Variants in SHANK2 observed in about 807,000 individuals in gnomAD.
SHANK2 encodes SH3 and multiple ankyrin repeat domains 2, also known as SH3 and multiple ankyrin repeat domains protein 2.
SHANK2 carries 43 observed loss-of-function variants against 133.7 expected under a neutral mutation model. That is an observed-to-expected ratio of 0.32 (90% CI 0.25 to 0.41). The LOEUF (loss-of-function observed/expected upper bound fraction) is 0.41, where lower values mean the gene tolerates loss of function less well. Among genes scored for constraint, SHANK2 ranks in the 10% least tolerant of loss-of-function variants. The pLI is 1.00. For missense variants in SHANK2, 1,994 were observed against 2,235.8 expected, an observed-to-expected ratio of 0.89 and a Z score of 2.18; for synonymous variants, 1,017 against 952.8, an observed-to-expected ratio of 1.07 and a Z score of -1.24.
intron 12 of SHANK2, among the ~76,000 whole-genome samples, chr11:70,812,865 A>C (rs1555053481): frequency 1.3e-5 from 2 of 152,058 alleles, no homozygotes; most frequent in African/African-American, 2.4e-5. Context: ...GTTTTGGTAT[A>C]AGGGCCAAAT....
At chr11:71,205,953 G>C (rs767844668) in intron 2 of SHANK2, among the ~76,000 whole-genome samples, 1 of 152,070 alleles carries the variant, frequency 6.6e-6, no homozygotes, top group Non-Finnish European at 1.5e-5. Flanking sequence ...GGGGACCTCT[G>C]GGGAGAAAAG....
chr11:71,098,070 GTGTGTATGCATGCCTGT>G (rs1297834084), intron 6 of SHANK2, among the ~76,000 whole-genome samples: 1 of 150,454 alleles, frequency 6.6e-6, no homozygotes, highest in Non-Finnish European at 1.5e-5. Context: ...GTACATGCCT[GTGTGTATGCATGCCTGT>G]TGTGTATGCA....
intron 17 of SHANK2, among the ~76,000 whole-genome samples, chr11:70,652,849 C>T (rs1220300199): frequency 6.6e-5 from 10 of 152,174 alleles, no homozygotes; most frequent in African/African-American, 2.2e-4. Context: ...CTGTGCTCAG[C>T]GCCTCTGACC....
intron 2 of SHANK2, among the ~76,000 whole-genome samples, chr11:71,185,287 C>T (rs554356766): frequency 7.2e-5 from 11 of 152,346 alleles, no homozygotes; most frequent in African/African-American, 2.4e-4. Context: ...TGCCAGCAGG[C>T]AGAGCGTTGA....
intron 14 of SHANK2, among the ~76,000 whole-genome samples, chr11:70,755,402 C>A (rs1180862377): frequency 6.6e-6 from 1 of 152,248 alleles, no homozygotes; most frequent in Non-Finnish European, 1.5e-5. Flanking sequence ...TGGGTGTCCA[C>A]CCTCCAGGGG....
intron 6 of SHANK2, among the ~76,000 whole-genome samples, chr11:71,100,177 T>C (rs1951695448): frequency 6.6e-6 from 1 of 151,914 alleles, no homozygotes; most frequent in African/African-American, 2.4e-5. Context: ...GAGTGTAAAA[T>C]GGCGCAGTCA....
intron 14 of SHANK2, among the ~76,000 whole-genome samples, chr11:70,710,361 C>T (rs985365751): frequency 1.3e-5 from 2 of 152,208 alleles, no homozygotes; most frequent in Non-Finnish European, 2.9e-5. Context: ...GAGACTGTGT[C>T]CCACTGCCCC....
At chr11:71,163,126 A>G (rs1953061351) in intron 2 of SHANK2, among the ~76,000 whole-genome samples, 1 of 145,236 alleles carries the variant, frequency 6.9e-6, no homozygotes, top group African/African-American at 2.5e-5. Flanking sequence ...AATAGAAACA[A>G]ATATGCAAAT....
At chr11:70,673,188 C>T (rs1048504211) in intron 15 of SHANK2, among the ~76,000 whole-genome samples, 2 of 152,092 alleles carry the variant, frequency 1.3e-5, no homozygotes, top group Non-Finnish European at 2.9e-5. Flanking sequence ...ACTGAAGGTC[C>T]AGGCAGCCTG....
At chr11:70,866,121 C>T (rs1407606234) in intron 11 of SHANK2, among the ~76,000 whole-genome samples, 2 of 152,156 alleles carry the variant, frequency 1.3e-5, no homozygotes, top group African/African-American at 2.4e-5. Flanking sequence ...AGGGTGGTCT[C>T]CACTTTCTGG....
intron 2 of SHANK2, among the ~76,000 whole-genome samples, chr11:71,173,651 G>A (rs936561047): frequency 4.6e-5 from 7 of 152,242 alleles, no homozygotes; most frequent in African/African-American, 1.7e-4. Flanking sequence ...GGCGTGAAGA[G>A]TGTCCTCTCA....
intron 15 of SHANK2, among the ~76,000 whole-genome samples, chr11:70,681,219 C>T (rs1339965410): frequency 2.0e-5 from 3 of 152,166 alleles, no homozygotes; most frequent in African/African-American, 4.8e-5. Context: ...TGCTGCTCAG[C>T]GTGGGGTCCC....
rs1565166125 is a variant in SHANK2, at chr11:70,599,891, A to AGAAAGAAAG, written c.2061+59936_2061+59937insCTTTCTTTC. On this transcript the variant is annotated intron_variant, in intron 17 of 25. Coordinates refer to ENST00000601538, the MANE Select transcript of SHANK2 (RefSeq NM_012309.5). ...AGAAAGAAAGAAAGAAAGAAAGAAA[A>AGAAAGAAAG]AGAAAGAAAGAAAGAGAAAGAAAGA... Among the ~76,000 whole-genome samples, 38 of 72,136 alleles carry AGAAAGAAAG rather than the reference A, an allele frequency of 5.3e-4. No homozygotes were observed. The East Asian group carries it at 0.018, about 33-fold the overall frequency. 47.3% of individuals were successfully genotyped at this position (72,136 alleles called of 152,430 possible). A position where few individuals can be genotyped will look rare whatever the true frequency, so the allele number is the denominator to read the frequency against.
chr11:70,934,529 T>C (rs1950545725), intron 10 of SHANK2, among the ~76,000 whole-genome samples: 1 of 152,166 alleles, frequency 6.6e-6, no homozygotes. Context: ...GATGAGATGA[T>C]GCTCCCCAGG....
chr11:70,921,738 A>T (rs1479128427), intron 10 of SHANK2, among the ~76,000 whole-genome samples: 2 of 152,166 alleles, frequency 1.3e-5, no homozygotes, highest in African/African-American at 4.8e-5. Context: ...CCCAGCCTTG[A>T]CTCAGCTCAG....
intron 13 of SHANK2, among the ~76,000 whole-genome samples, chr11:70,799,907 T>C (rs1040656777): frequency 2.0e-5 from 3 of 152,226 alleles, no homozygotes; most frequent in East Asian, 1.9e-4. Flanking sequence ...AAAGACACCA[T>C]GGGGTGGGGG....
chr11:71,235,597 G>GGA (rs371139704), intron 1 of SHANK2, among the ~76,000 whole-genome samples: 11 of 142,594 alleles, frequency 7.7e-5, no homozygotes, highest in South Asian at 6.8e-4. Flanking sequence ...CTCTCTCGGG[G>GGA]AAAAAAAAAA....
At chr11:70,723,642 C>G (rs1236168787) in intron 14 of SHANK2, among the ~76,000 whole-genome samples, 1 of 152,146 alleles carries the variant, frequency 6.6e-6, no homozygotes, top group African/African-American at 2.4e-5. Context: ...GTTGGAGCCA[C>G]TGATTTTATG....
chr11:70,902,680 C>T (rs1760673539), intron 10 of SHANK2, among the ~76,000 whole-genome samples: 1 of 152,218 alleles, frequency 6.6e-6, no homozygotes, highest in East Asian at 1.9e-4. Context: ...GGGAATCACC[C>T]CCAGTTGTAA....
Sources: allele counts gnomAD v4.1 joint callset (sites outside exome capture counted in the v4.1 genomes callset), GRCh38; gene constraint gnomAD v4.1.1; transcripts MANE v1.5; gene names NCBI Gene and HGNC (gene_info 2026-07-23, HGNC 2026-07-21).